The following CD200 variants were observed in gnomAD, a reference collection of about 807,000 sequenced individuals.
The protein encoded by CD200 is CD200 molecule.
CD200 carries 15 observed loss-of-function variants against 30.9 expected under a neutral mutation model. The ratio of observed to expected loss-of-function variants is 0.49; its 90% confidence interval spans 0.32 to 0.75. The LOEUF is 0.75. Ranked by LOEUF, CD200 falls within the 30% of genes least tolerant of loss-of-function variation. The pLI, the probability that CD200 is intolerant of heterozygous loss-of-function variation, is 0.03. For missense variants in CD200, 262 were observed against 324.2 expected, an observed-to-expected ratio of 0.81 and a Z score of 1.47; for synonymous variants, 134 against 126.2, an observed-to-expected ratio of 1.06 and a Z score of -0.41.
At chr3:112,346,022 A>T (rs1312041880) in intron 3 of CD200, among the ~76,000 whole-genome samples, 1 of 152,224 alleles carries the variant, frequency 6.6e-6, no homozygotes, top group Non-Finnish European at 1.5e-5. Context: ...ACTTATGGTT[A>T]TTAGGAATAT....
rs2081160886 is a variant in CD200 at position 112,338,161 on chromosome 3, G to T, written c.13-2741G>T. Among the ~76,000 whole-genome samples, 3 of 152,158 alleles carry T rather than the reference G, an allele frequency of 2.0e-5. 1 individual carries two copies. The South Asian group carries it at 6.2e-4, about 32-fold the overall frequency. ...CACAAAACACCTAGTGTTATGAGCT[G>T]AGACTAGGGTGGTAAAGAACAGACA... On this transcript the variant is annotated intron_variant, in intron 1 of 5. Transcript: ENST00000315711.
At chr3:112,346,152 T>G (rs921938674) in intron 3 of CD200, among the ~76,000 whole-genome samples, 5 of 152,158 alleles carry the variant, frequency 3.3e-5, no homozygotes, top group African/African-American at 1.2e-4. Flanking sequence ...ATTTTGCCTA[T>G]AATGAGTCCT....
intron 1 of CD200, 22 bp downstream of exon 1, chr3:112,333,246 G>A: frequency 6.5e-7 from 1 of 1,548,938 alleles, no homozygotes; most frequent in Non-Finnish European, 8.7e-7. Flanking sequence ...CGGGGCTTGG[G>A]AAGGAGGGCG....
intron 2 of CD200, among the ~76,000 whole-genome samples, chr3:112,344,307 G>A (rs561779565): frequency 1.3e-5 from 2 of 152,254 alleles, no homozygotes; most frequent in African/African-American, 4.8e-5. Context: ...GATGGTATGA[G>A]TTGCTAATAT....
chr3:112,357,176 G>A (rs1021266274), intron 5 of CD200, among the ~76,000 whole-genome samples: 2 of 150,946 alleles, frequency 1.3e-5, no homozygotes, highest in Non-Finnish European at 2.9e-5. Flanking sequence ...CAGGAGAATG[G>A]CGTGAACCCG....
rs1350024487 is a variant in CD200, at chr3:112,333,506, G to A, written c.12+282G>A. The A allele has an allele frequency of 1.9e-5, 19 of 985,304 alleles. No homozygotes were observed. The South Asian group carries it at 8.9e-4, about 46-fold the overall frequency. 61.0% of individuals were successfully genotyped at this position (985,304 alleles called of 1,614,324 possible). ...AGATGCACCAGGCCGGGGCTCCGGG[G>A]GCTCTTGATCCGCGCTGACGAAGCT... On this transcript the variant is annotated intron_variant, in intron 1 of 5. Transcript: ENST00000315711.
At chr3:112,359,247 TA>T (rs200682740) in intron 5 of CD200, among the ~76,000 whole-genome samples, 8 of 151,846 alleles carry the variant, frequency 5.3e-5, no homozygotes, top group Non-Finnish European at 1.0e-4. Flanking sequence ...GAGCTTTTTT[TA>T]AAAAAAACAG....
chr3:112,334,819 C>T (rs761566572), intron 1 of CD200, among the ~76,000 whole-genome samples: 10 of 151,998 alleles, frequency 6.6e-5, no homozygotes, highest in Non-Finnish European at 1.3e-4. Flanking sequence ...TTTCCTTTGC[C>T]TCAATCACTG....
chr3:112,359,879 AC>A (rs2081703656), intron 5 of CD200, among the ~76,000 whole-genome samples: 1 of 152,184 alleles, frequency 6.6e-6, no homozygotes, highest in Non-Finnish European at 1.5e-5. Context: ...TGAAAAGGAT[AC>A]CAGTTACTTG....
chr3:112,353,410 C>T (rs1224218574), intron 5 of CD200, among the ~76,000 whole-genome samples: 1 of 151,940 alleles, frequency 6.6e-6, no homozygotes, highest in Non-Finnish European at 1.5e-5. Context: ...ACTTTTTTTT[C>T]AAGTACTAGC....
chr3:112,348,625 TC>T (rs2081459759), intron 4 of CD200, among the ~76,000 whole-genome samples: 1 of 152,178 alleles, frequency 6.6e-6, no homozygotes, highest in South Asian at 2.1e-4. Context: ...GTAATAAGCC[TC>T]CTAAAAAGTA....
intron 2 of CD200, among the ~76,000 whole-genome samples, chr3:112,343,598 C>A (rs1229035936): frequency 6.6e-6 from 1 of 152,126 alleles, no homozygotes; most frequent in Non-Finnish European, 1.5e-5. Context: ...GCCACTGTAC[C>A]TGGTAGTTTT....
rs1559783478 is a variant in CD200 at position 112,342,393 on chromosome 3, CTTTCTTTCT to C, written c.94+1413_94+1421del. Among the ~76,000 whole-genome samples the C allele has an allele frequency of 1.1e-3, 58 of 50,970 alleles. 9 individuals carry two copies. Among genetic ancestry groups the C allele is most frequent in the African/African-American group, 4.1e-3 (56 of 13,620 alleles). The allele number at this position is 50,970 out of a possible 152,430, so 33.4% of individuals were successfully genotyped here. ...TCTTTCTTTCTTTCTTTCTTTCTTTCTTTCTTTCTTTCTTTCTTTCTTTCTTTCTTTCTT... is the reference window on the plus strand; with the variant it reads ...TCTTTCTTTCTTTCTTTCTTTCTTTCTTCTTTCTTTCTTTCTTTCTTTCTT... On this transcript the variant is annotated intron_variant, in intron 2 of 5. Transcript: ENST00000315711.
At chr3:112,355,452 A>G (rs1240131795) in intron 5 of CD200, among the ~76,000 whole-genome samples, 1 of 152,024 alleles carries the variant, frequency 6.6e-6, no homozygotes, top group Non-Finnish European at 1.5e-5. Flanking sequence ...CTACCTTTTC[A>G]TAGAGGAAGC....
intron 5 of CD200, among the ~76,000 whole-genome samples, chr3:112,351,742 G>A (rs2081535407): frequency 1.3e-5 from 2 of 152,068 alleles, no homozygotes; most frequent in Non-Finnish European, 2.9e-5. Flanking sequence ...CCTGAGGCTG[G>A]GTAATTCATA....
chr3:112,353,389 T>C (rs1197550068), intron 5 of CD200, among the ~76,000 whole-genome samples: 1 of 152,204 alleles, frequency 6.6e-6, no homozygotes, highest in South Asian at 2.1e-4. Context: ...AAAATTTATA[T>C]GCCAAACTTC....
rs891842144 is a variant in CD200, at chr3:112,333,190, C to T, written c.-23C>T. On this transcript the variant is annotated 5_prime_UTR_variant, in exon 1 of 6. Transcript: ENST00000315711. ...GGCGCACATCCGCAGTCAGCCACCT[C>T]GCGCGCGCCTCCAGGAGCAAGGATG... 2 of 1,549,432 alleles carry T rather than the reference C, an allele frequency of 1.3e-6. No homozygotes were observed. The highest frequency in any genetic ancestry group is 2.7e-5 in the African/African-American group (2 of 72,902).
chr3:112,354,707 A>T (rs2081594762), intron 5 of CD200, among the ~76,000 whole-genome samples: 1 of 152,218 alleles, frequency 6.6e-6, no homozygotes, highest in African/African-American at 2.4e-5. Context: ...AAAACAACAC[A>T]CATGTATTAT....
chr3:112,332,924 G>A, upstream of CD200: 1 of 493,304 alleles, frequency 2.0e-6, no homozygotes, highest in Non-Finnish European at 3.6e-6. Context: ...AAAAAAAAAT[G>A]ATTTTTTTTT....
Sources: gnomAD v4.1 joint callset for allele counts (sites outside exome capture counted in the v4.1 genomes callset) on GRCh38, gnomAD v4.1.1 for gene constraint, MANE v1.5 for transcripts, NCBI Gene and HGNC (gene_info 2026-07-23, HGNC 2026-07-21) for gene names.